RPL35: variants seen among roughly 807,000 people sequenced by gnomAD.
RPL35 encodes ribosomal protein L35.
A neutral mutation model predicts 15.6 loss-of-function variants in RPL35; 2 were observed. The ratio of observed to expected loss-of-function variants is 0.13; its 90% CI spans 0.05 to 0.40. The LOEUF (loss-of-function observed/expected upper bound fraction) is 0.40. Among genes scored for constraint, RPL35 ranks in the 10% least tolerant of loss-of-function variants. RPL35 has a pLI of 0.99. For synonymous variants in RPL35, 93 were observed against 67.9 expected, an observed-to-expected ratio of 1.37 and a Z score of -1.82; for missense variants, 111 against 164.7, an observed-to-expected ratio of 0.67 and a Z score of 1.79.
At chr9:124,861,631 G>T (rs1351974752) in intron 1 of RPL35, 76 bp from the exon 2 acceptor site, 1 of 1,561,566 alleles carries the variant, frequency 6.4e-7, no homozygotes, top group African/African-American at 1.4e-5. Flanking sequence ...AGCCCCCAAA[G>T]GCGCGCGACT....
intron 2 of RPL35, chr9:124,861,030 G>A (rs538579558): frequency 3.0e-4 from 53 of 177,890 alleles, no homozygotes; most frequent in Middle Eastern, 2.7e-3. Flanking sequence ...TTGTACCCAG[G>A]TTGATGAACT....
At chr9:124,859,057 G>C (rs1350365542) in intron 3 of RPL35, among the ~76,000 whole-genome samples, 1 of 152,200 alleles carries the variant, frequency 6.6e-6, no homozygotes, top group Non-Finnish European at 1.5e-5. Flanking sequence ...TAACCCCCTA[G>C]AGTTCTGCTG....
intron 2 of RPL35, among the ~76,000 whole-genome samples, chr9:124,860,802 C>A (rs1355451441): frequency 1.3e-5 from 2 of 152,138 alleles, no homozygotes; most frequent in African/African-American, 4.8e-5. Flanking sequence ...TCCTCCCACC[C>A]CTGCCTCTAC....
intron 3 of RPL35, among the ~76,000 whole-genome samples, chr9:124,859,174 G>A (rs1482729619): frequency 1.3e-5 from 2 of 152,132 alleles, no homozygotes; most frequent in Non-Finnish European, 2.9e-5. Flanking sequence ...CCACACTATG[G>A]CCCTTCTCAT....
At position 124,858,023 on chromosome 9, in the gene RPL35, A is replaced by C; in HGVS notation, c.267T>G (p.Arg89=). Residue 89 remains arginine, a synonymous_variant, in exon 4 of 4, where the codon CGT becomes CGG. Transcript: ENST00000348462. ...KPLDLRPKKT[R]AMRRRLNKHE... ...GCTTGTTGAGCCGGCGGCGCATGGC[A>C]CGTGTCTTCTTAGGCCGCAGGTCCA... The C allele has an allele frequency of 1.2e-6, 2 of 1,612,452 alleles. No individual in the cohort carries two copies. The highest frequency in any genetic ancestry group is 2.2e-5 in the South Asian group (2 of 90,998).
rs1554764280 is a variant in RPL35 at position 124,861,412 on chromosome 9, C to G, written c.140+7G>C. ...CACGAGGGCTGTGATCCGGCCGCCT[C>G]ACTTACATCTTAGAGAGCTTGGAGG... is the stretch of plus-strand genomic sequence containing the variant. On this transcript the variant is annotated splice_region_variant and intron_variant, in intron 2 of 3. Transcript: ENST00000348462. 6.2e-7 allele frequency: 1 copy of G among 1,610,164 alleles called. No homozygotes were observed. The highest frequency in any genetic ancestry group is 1.3e-5 in the African/African-American group (1 of 74,924).
At chr9:124,858,521 G>A (rs1263231841) in intron 3 of RPL35, 3 of 715,846 alleles carry the variant, frequency 4.2e-6, no homozygotes, top group African/African-American at 3.5e-5. Flanking sequence ...CTGTATGCAG[G>A]GCCCACCAGC....
rs1588037932 is a variant in RPL35, at chr9:124,861,532, A to C, written c.27T>G (p.Leu9=). 1 of 1,613,806 alleles carries C rather than the reference A, an allele frequency of 6.2e-7. No individual in the cohort carries two copies. Among genetic ancestry groups the C allele is most frequent in the Admixed American group, 1.7e-5 (1 of 59,990 alleles). The change falls in exon 2 of 4, where the codon CTT becomes CTG. Residue 9 remains leucine, a synonymous_variant. Transcript: ENST00000348462. MAKIKARD[L]RGKKKEELLK... is the part of the protein sequence containing the mutation. ...GCAGCTCCTCCTTCTTCTTCCCGCG[A>C]AGATCTCGAGCCTTGATCTTGGCCT...
chr9:124,860,422 A>G (rs1012772728), intron 2 of RPL35, among the ~76,000 whole-genome samples, 158 bp from the exon 3 acceptor site: 1 of 152,180 alleles, frequency 6.6e-6, no homozygotes, highest in African/African-American at 2.4e-5. Flanking sequence ...TGAGGAGGGA[A>G]GAGAGGGGCA....
chr9:124,861,949 G>C lies in RPL35; in HGVS notation c.-37C>G. ...CCGCCAACGCCGCCGCCCGCTCCGA[G>C]GGAAAGAGGAAGTAGGCGGGGCTGA... On this transcript the variant is annotated 5_prime_UTR_variant, in exon 1 of 4. Transcript: ENST00000348462. 2.5e-6 allele frequency: 4 copies of C among 1,595,876 alleles called. No homozygotes were observed. Among genetic ancestry groups the C allele is most frequent in the Non-Finnish European group, 2.6e-6 (3 of 1,172,134 alleles).
intron 2 of RPL35, chr9:124,861,121 C>A: frequency 2.7e-6 from 1 of 376,512 alleles, no homozygotes; most frequent in Non-Finnish European, 4.8e-6. Context: ...GGGTGCAAGC[C>A]ACCCACCTGC....
chr9:124,860,231 G>T lies in RPL35; in HGVS notation c.174C>A (p.Leu58=). 1 of 1,614,106 alleles carries T rather than the reference G, an allele frequency of 6.2e-7. No individual in the cohort carries two copies. The highest frequency in any genetic ancestry group is 8.5e-7 in the Non-Finnish European group (1 of 1,179,958). ...RVVRKSIARV[L]TVINQTQKEN... is the part of the protein sequence containing the mutation. ...CTTTCTGAGTCTGGTTAATAACTGTGAGAACACGGGCAATGGATTTCCGGA... is the reference window on the plus strand; with the variant it reads ...CTTTCTGAGTCTGGTTAATAACTGTTAGAACACGGGCAATGGATTTCCGGA... The change falls in exon 3 of 4, where the codon CTC becomes CTA. Residue 58 remains leucine, a synonymous_variant. Transcript: ENST00000348462.
chr9:124,858,111 G>A (rs1338164908), intron 3 of RPL35, 44 bp from the exon 4 acceptor site: 1 of 1,595,864 alleles, frequency 6.3e-7, no homozygotes, highest in Admixed American at 1.7e-5. Flanking sequence ...CCAGGGCTGA[G>A]GAGCTACTGC....
intron 3 of RPL35, 74 bp from the exon 4 acceptor site, chr9:124,858,141 G>A: frequency 6.6e-7 from 1 of 1,526,374 alleles, no homozygotes; most frequent in South Asian, 1.2e-5. Context: ...GGGGGCTGGG[G>A]AGGGCCATCC....
chr9:124,858,826 A>T (rs1335863484), intron 3 of RPL35, among the ~76,000 whole-genome samples: 1 of 152,222 alleles, frequency 6.6e-6, no homozygotes, highest in Non-Finnish European at 1.5e-5. Context: ...CAGGGGTCCC[A>T]GCCTAGTGGG....
chr9:124,858,795 G>A (rs1008867496), intron 3 of RPL35, among the ~76,000 whole-genome samples: 1 of 152,242 alleles, frequency 6.6e-6, no homozygotes, highest in African/African-American at 2.4e-5. Flanking sequence ...GCTTGGCAAA[G>A]GATCTGACCC....
At chr9:124,861,618 G>A (rs1829198971) in intron 1 of RPL35, 63 bp from the exon 2 acceptor site, 1 of 1,583,026 alleles carries the variant, frequency 6.3e-7, no homozygotes, top group South Asian at 1.2e-5. Flanking sequence ...CACCTGCGTG[G>A]CCAGCCCCCA....
intron 1 of RPL35, 143 bp from the exon 2 acceptor site, chr9:124,861,698 G>T: frequency 2.2e-6 from 3 of 1,358,408 alleles, no homozygotes; most frequent in Admixed American, 4.9e-5. Context: ...AGTCTCCCTC[G>T]CCGGCCGTGC....
intron 3 of RPL35, among the ~76,000 whole-genome samples, chr9:124,859,090 A>G (rs1054852910): frequency 1.3e-5 from 2 of 152,226 alleles, no homozygotes; most frequent in African/African-American, 4.8e-5. Flanking sequence ...GCCACTAGCC[A>G]CACACGTAGC....
Sources: gnomAD v4.1 joint callset for allele counts (sites outside exome capture counted in the v4.1 genomes callset) on GRCh38, gnomAD v4.1.1 for gene constraint, MANE v1.5 for transcripts, NCBI Gene and HGNC (gene_info 2026-07-23, HGNC 2026-07-21) for gene names.